The following SMC5 variants were observed in gnomAD, a reference collection of about 807,000 sequenced individuals.
SMC5 encodes the protein structural maintenance of chromosomes protein 5.
Under a neutral mutation model 148.3 loss-of-function variants are expected in SMC5, and 88 were observed. That is an observed-to-expected ratio of 0.59 (90% CI 0.50 to 0.71). The LOEUF is 0.71. SMC5 is among the 30% of genes least tolerant of loss of function. The pLI is 0.00. For missense variants in SMC5, 1,142 were observed against 1,298.9 expected, an observed-to-expected ratio of 0.88 and a Z score of 1.86; for synonymous variants, 421 against 432.8, an observed-to-expected ratio of 0.97 and a Z score of 0.34.
chr9:70,318,812 C>G lies in SMC5; in HGVS notation c.1999C>G (p.Gln667Glu). 2 of 1,568,362 alleles carry G rather than the reference C, an allele frequency of 1.3e-6. No homozygotes were observed. Among genetic ancestry groups the G allele is most frequent in the Non-Finnish European group, 1.7e-6 (2 of 1,164,344 alleles). Reference protein sequence around the residue: ...EQLKEIHRKLQAVDSGLIALR... With the variant: ...EQLKEIHRKLEAVDSGLIALR... ...TTTATAGGAAATTCATAGAAAATTG[C>G]AAGCAGTGGATTCAGGGTTGATTGC... Residue 667 changes from glutamine to glutamate, a missense_variant, in exon 15 of 25, where the codon CAA becomes GAA. Around this residue, in one of 5 missense-constraint regions of SMC5, gnomAD observed 743 missense variants for 835.7 expected, o/e 0.89. Transcript: ENST00000361138.
intron 10 of SMC5, among the ~76,000 whole-genome samples, chr9:70,303,451 A>T (rs539659563): frequency 1.4e-4 from 22 of 152,064 alleles, no homozygotes; most frequent in Non-Finnish European, 2.9e-4. Flanking sequence ...TCCCCCCTCA[A>T]ATTGCGAAAC....
intron 11 of SMC5, among the ~76,000 whole-genome samples, chr9:70,309,153 C>T (rs2035588123): frequency 6.6e-6 from 1 of 152,064 alleles, no homozygotes; most frequent in Admixed American, 6.6e-5. Context: ...TTGATAGCTG[C>T]TGACTGATCA....
At chr9:70,352,099 T>C in intron 24 of SMC5, 92 bp from the exon 25 acceptor site, 2 of 1,195,310 alleles carry the variant, frequency 1.7e-6, no homozygotes. Flanking sequence ...ATATTGCAAA[T>C]AAAATAATAC....
intron 17 of SMC5, among the ~76,000 whole-genome samples, chr9:70,330,134 A>G (rs1259062343): frequency 6.6e-6 from 1 of 152,208 alleles, no homozygotes; most frequent in African/African-American, 2.4e-5. Flanking sequence ...ACCATATCAA[A>G]TAGTCTTATT....
chr9:70,315,547 G>T lies in SMC5; in HGVS notation c.1775G>T (p.Gly592Val). 2 of 1,590,380 alleles carry T rather than the reference G, an allele frequency of 1.3e-6. No individual in the cohort carries two copies. Among genetic ancestry groups the T allele is most frequent in the South Asian group, 2.3e-5 (2 of 87,422 alleles). Residue 592 changes from glycine to valine, a missense_variant, in exon 13 of 25, where the codon GGA (glycine) becomes GTA (valine). By Grantham distance (109) the Gly-to-Val change is moderately radical. This residue lies in a region of SMC5 where 743 missense variants were observed against 835.7 expected (regional missense o/e 0.89). Coordinates refer to ENST00000361138, the MANE Select transcript of SMC5 (RefSeq NM_015110.4). ...CQYHIHEVPV[G>V]TEKTRERIER... is the part of the protein sequence containing the mutation. ...TATCATATTCATGAAGTTCCTGTAG[G>T]AACTGAAAAGACCAGAGAAAGAATT...
Position 70,350,200 on chromosome 9 carries a change from T to C in SMC5, c.2976T>C (p.Ser992=). ...ATGAATTAACTCCTCATCATCAAAG[T>C]GGAGGTGAAAGAAGTGTTTCTACCA... ...QLHELTPHHQ[S]GGERSVSTML... Residue 992 remains serine (S), a synonymous_variant, in exon 23 of 25, where the codon AGT becomes AGC. Transcript: ENST00000361138. The C allele has an allele frequency of 1.2e-6, 2 of 1,613,496 alleles. No homozygotes were observed. Among genetic ancestry groups the C allele is most frequent in the Non-Finnish European group, 1.7e-6 (2 of 1,179,654 alleles).
At chr9:70,328,446 C>G (rs777226331) in intron 17 of SMC5, among the ~76,000 whole-genome samples, 2 of 152,222 alleles carry the variant, frequency 1.3e-5, no homozygotes, top group Non-Finnish European at 2.9e-5. Flanking sequence ...AGGCCCCACA[C>G]ATGTCTGCAA....
intron 10 of SMC5, among the ~76,000 whole-genome samples, chr9:70,304,462 C>T (rs777991776): frequency 2.6e-5 from 4 of 152,018 alleles, no homozygotes; most frequent in African/African-American, 7.2e-5. Context: ...CAAGGCAAGC[C>T]GATCACTTGA....
chr9:70,289,529 A>G (rs963514617), intron 8 of SMC5, among the ~76,000 whole-genome samples: 9 of 151,962 alleles, frequency 5.9e-5, no homozygotes, highest in African/African-American at 1.9e-4. Context: ...TTTCAATTTG[A>G]TGGCAAATAA....
At chr9:70,326,073 G>A (rs1261875453) in intron 17 of SMC5, among the ~76,000 whole-genome samples, 1 of 152,068 alleles carries the variant, frequency 6.6e-6, no homozygotes, top group Non-Finnish European at 1.5e-5. Context: ...AACAGTGGCA[G>A]AGCTAAGGTC....
intron 3 of SMC5, 111 bp from the exon 4 acceptor site, chr9:70,277,199 A>G: frequency 2.3e-6 from 2 of 859,018 alleles, no homozygotes; most frequent in Non-Finnish European, 3.2e-6. Context: ...AGTAAAAATC[A>G]TAATAATAAT....
At chr9:70,303,193 C>T (rs1337912407) in intron 10 of SMC5, among the ~76,000 whole-genome samples, 1 of 151,756 alleles carries the variant, frequency 6.6e-6, no homozygotes, top group African/African-American at 2.4e-5. Flanking sequence ...CACCACTGCA[C>T]TCAGCCTGGG....
intron 15 of SMC5, among the ~76,000 whole-genome samples, chr9:70,320,675 C>G (rs1368180572): frequency 1.3e-5 from 2 of 151,984 alleles, no homozygotes; most frequent in Non-Finnish European, 2.9e-5. Flanking sequence ...TTAGGGAGTC[C>G]TGCAACCAAT....
rs1229033440 is a variant in SMC5, at chr9:70,353,985, C to T, written c.*1654C>T. 6.6e-6 allele frequency: 1 copy of T among 152,118 alleles called. No individual in the cohort carries two copies. Among genetic ancestry groups the T allele is most frequent in the Non-Finnish European group, 1.5e-5 (1 of 68,012 alleles). The allele number at this position is 152,118 out of a possible 1,614,324, so 9.4% of individuals were successfully genotyped here. The stretch of plus-strand genomic sequence containing the variant: ...AAAATGAGTATCAATGTGAAAAAGA[C>T]ACGTGAAGATTAAGCATGTTTGAAA... On this transcript the variant is annotated 3_prime_UTR_variant, in exon 25 of 25. Transcript: ENST00000361138.
At chr9:70,337,784 T>A (rs2036401817) in intron 17 of SMC5, among the ~76,000 whole-genome samples, 1 of 151,868 alleles carries the variant, frequency 6.6e-6, no homozygotes, top group Non-Finnish European at 1.5e-5. Flanking sequence ...TAGAGCTGAC[T>A]GCCGTGTTTC....
At position 70,259,029 on chromosome 9, in the gene SMC5, C is replaced by T. The variant is rs1449187988; in HGVS notation, c.-50C>T. On this transcript the variant is annotated 5_prime_UTR_variant, in exon 1 of 25. Transcript: ENST00000361138. The stretch of plus-strand genomic sequence containing the variant: ...GTGGATGGGCGCTTGGGCGCCTGGG[C>T]TGCCGGACGGTGGGAACGGAAGTCG... The T allele has an allele frequency of 6.5e-7, 1 of 1,532,906 alleles. No individual in the cohort carries two copies. Among genetic ancestry groups the T allele is most frequent in the Non-Finnish European group, 8.8e-7 (1 of 1,138,770 alleles). The allele number at this position is 1,532,906 out of a possible 1,614,324, so 95.0% of individuals were successfully genotyped here. A position where few individuals can be genotyped will look rare whatever the true frequency, so the allele number is the denominator to read the frequency against.
intron 17 of SMC5, among the ~76,000 whole-genome samples, chr9:70,343,840 A>G (rs1440587550): frequency 6.6e-6 from 1 of 151,954 alleles, no homozygotes; most frequent in Non-Finnish European, 1.5e-5. Flanking sequence ...TAAATAAGTA[A>G]ATAAATAAAT....
chr9:70,303,825 C>T (rs183237650), intron 10 of SMC5, among the ~76,000 whole-genome samples: 23 of 152,286 alleles, frequency 1.5e-4, no homozygotes, highest in African/African-American at 5.1e-4. Flanking sequence ...GATTATAGTA[C>T]ATAAATACCT....
At chr9:70,276,813 G>A (rs2034605147) in intron 3 of SMC5, among the ~76,000 whole-genome samples, 1 of 152,130 alleles carries the variant, frequency 6.6e-6, no homozygotes, top group Non-Finnish European at 1.5e-5. Flanking sequence ...ATTTAGAGTG[G>A]AGTACATGGT....
Sources: allele counts gnomAD v4.1 joint callset (sites outside exome capture counted in the v4.1 genomes callset), GRCh38; gene constraint gnomAD v4.1.1; regional missense constraint gnomAD v4.1.1; transcripts MANE v1.5; gene names NCBI Gene and HGNC (gene_info 2026-07-23, HGNC 2026-07-21).